Variants in DNAH14 observed in about 807,000 individuals in gnomAD.
DNAH14 encodes the protein axonemal beta dynein heavy chain 14.
A neutral mutation model predicts 520.9 loss-of-function variants in DNAH14; 478 were observed. The ratio of observed to expected loss-of-function variants is 0.92; its 90% CI spans 0.85 to 0.99. The LOEUF (loss-of-function observed/expected upper bound fraction) is 0.99. Ranked by LOEUF, DNAH14 falls within the 50% of genes least tolerant of loss-of-function variation. The probability of loss-of-function intolerance (pLI) is 0.00; values close to 1 mark genes in which losing one functional copy is unlikely to be tolerated. For missense variants in DNAH14, 4,831 were observed against 5,234.5 expected (o/e 0.92, Z 2.38); for synonymous variants, 1,581 against 1,757.2 (o/e 0.90, Z 2.51).
chr1:225,148,923 T>C (rs1250604291), intron 31 of DNAH14, among the ~76,000 whole-genome samples: 5 of 152,206 alleles, frequency 3.3e-5, no homozygotes, highest in African/African-American at 9.6e-5. Flanking sequence ...TAGTTTCTTT[T>C]GCTTTGCAGA....
intron 84 of DNAH14, chr1:225,398,046 CAA>C (rs11458055): frequency 9.0e-5 from 6 of 66,828 alleles, no homozygotes; most frequent in Non-Finnish European, 1.3e-4. Context: ...GACCCCATGT[CAA>C]AAAAAAAAAA....
chr1:225,041,041 A>T (rs1182861732), intron 12 of DNAH14, among the ~76,000 whole-genome samples: 2 of 152,224 alleles, frequency 1.3e-5, no homozygotes, highest in Admixed American at 6.5e-5. Flanking sequence ...ATATATGTAT[A>T]TATACATGTG....
rs116357112 is a variant in DNAH14, at chr1:224,939,846, T to C, written c.-34+10011T>C. Among the ~76,000 whole-genome samples the C allele has an allele frequency of 4.2e-3, 641 of 152,334 alleles. 4 individuals are homozygous for C. Among genetic ancestry groups the C allele is most frequent in the African/African-American group, 0.015 (610 of 41,584 alleles). On this transcript the variant is annotated intron_variant, in intron 1 of 85. Coordinates refer to ENST00000682510, the MANE Select transcript of DNAH14 (RefSeq NM_001367479.1). Reference sequence around the variant, plus strand: ...ACCTACATCTCTTGCTGAATTGTAATTCCTAGTGTTGGAGGAGGGTCCTGG... The same window carrying C: ...ACCTACATCTCTTGCTGAATTGTAACTCCTAGTGTTGGAGGAGGGTCCTGG...
intron 17 of DNAH14, among the ~76,000 whole-genome samples, chr1:225,061,443 C>T (rs893460876): frequency 6.6e-6 from 1 of 152,166 alleles, no homozygotes; most frequent in African/African-American, 2.4e-5. Flanking sequence ...AAAGGAATTC[C>T]CTGACCCCTT....
At chr1:225,171,019 A>C (rs2082581311) in intron 36 of DNAH14, among the ~76,000 whole-genome samples, 1 of 152,226 alleles carries the variant, frequency 6.6e-6, no homozygotes. Context: ...CTGAATGACT[A>C]CTGGGTACAT....
At chr1:225,036,426 C>T (rs190501481) in intron 11 of DNAH14, among the ~76,000 whole-genome samples, 3 of 152,108 alleles carry the variant, frequency 2.0e-5, no homozygotes, top group East Asian at 1.9e-4. Context: ...TAAGCCACCA[C>T]GCCCTGCCCA....
At chr1:225,056,612 A>G (rs571287781) in intron 17 of DNAH14, among the ~76,000 whole-genome samples, 2 of 152,262 alleles carry the variant, frequency 1.3e-5, no homozygotes, top group African/African-American at 2.4e-5. Context: ...GCCCATGCCT[A>G]TGTCCTGAAT....
chr1:224,960,325 T>A, intron 4 of DNAH14, 23 bp downstream of exon 4: 1 of 1,520,538 alleles, frequency 6.6e-7, no homozygotes, highest in Non-Finnish European at 8.8e-7. Flanking sequence ...ACTGAACCAA[T>A]TGCTTAGAAA....
intron 59 of DNAH14, 65 bp from the exon 60 acceptor site, chr1:225,308,220 G>C (rs1369550890): frequency 1.4e-6 from 2 of 1,438,316 alleles, no homozygotes; most frequent in Admixed American, 2.9e-5. Flanking sequence ...TATTTGAATT[G>C]CTCTTTTAGA....
chr1:224,971,147 A>G (rs1027645939), intron 7 of DNAH14, among the ~76,000 whole-genome samples: 2 of 152,190 alleles, frequency 1.3e-5, no homozygotes, highest in African/African-American at 4.8e-5. Flanking sequence ...ATCACATCAC[A>G]TTAGGATTCT....
intron 8 of DNAH14, among the ~76,000 whole-genome samples, chr1:224,995,334 G>GC (rs1553367044): frequency 6.6e-6 from 1 of 150,848 alleles, no homozygotes; most frequent in Middle Eastern, 3.2e-3. Context: ...TGCAGGGGTT[G>GC]TTTTTTTTTC....
chr1:224,977,800 T>C (rs1204889442), intron 8 of DNAH14, among the ~76,000 whole-genome samples: 2 of 152,058 alleles, frequency 1.3e-5, no homozygotes, highest in Non-Finnish European at 2.9e-5. Context: ...ATGCAGAATA[T>C]AAAGGGGACT....
In DNAH14 at chr1:225,337,356, C is replaced by A. The variant is rs1352802089; in HGVS notation, c.10171C>A (p.Leu3391Met). Residue 3391 changes from leucine (L) to methionine (M), a missense_variant, in exon 67 of 86, where the codon CTG becomes ATG. Leu to Met is a conservative substitution (Grantham distance 15). Transcript: ENST00000682510. ...CAAGAATGGCCAGCAGTGGCCACTG[C>A]TGATTGACCCACATAGGCAAGCTCA... is the stretch of plus-strand genomic sequence containing the variant. ...LIKNGQQWPL[L>M]IDPHRQAHKW... 1.6e-5 allele frequency: 25 copies of A among 1,551,648 alleles called. No individual in the cohort carries two copies. The highest frequency in any genetic ancestry group is 2.2e-5 in the Non-Finnish European group (25 of 1,146,972).
chr1:225,264,312 A>G (rs2093038829), intron 47 of DNAH14, 51 bp downstream of exon 47: 2 of 1,320,536 alleles, frequency 1.5e-6, no homozygotes, highest in Non-Finnish European at 2.1e-6. Context: ...AAAACTTCAC[A>G]ACCATGTGTA....
intron 54 of DNAH14, among the ~76,000 whole-genome samples, chr1:225,285,080 G>A (rs554755790): frequency 1.7e-4 from 26 of 152,262 alleles, no homozygotes; most frequent in African/African-American, 6.3e-4. Flanking sequence ...AAGCAAGAAT[G>A]TTTTGCCTTA....
chr1:225,390,940 G>A (rs1350131388), intron 83 of DNAH14, among the ~76,000 whole-genome samples: 1 of 152,066 alleles, frequency 6.6e-6, no homozygotes, highest in African/African-American at 2.4e-5. Flanking sequence ...TGATTCTGGG[G>A]GTGGGGGGAA....
At chr1:225,125,341 A>G (rs2077633025) in intron 27 of DNAH14, among the ~76,000 whole-genome samples, 1 of 152,206 alleles carries the variant, frequency 6.6e-6, no homozygotes, top group Non-Finnish European at 1.5e-5. Context: ...TCTTCTTCCA[A>G]TAGAAGGCTA....
At chr1:225,178,083 G>T (rs1456557690) in intron 36 of DNAH14, among the ~76,000 whole-genome samples, 1 of 152,176 alleles carries the variant, frequency 6.6e-6, no homozygotes, top group South Asian at 2.1e-4. Flanking sequence ...TGATCTGGAT[G>T]TGAGACATGA....
intron 41 of DNAH14, among the ~76,000 whole-genome samples, chr1:225,226,434 C>T (rs557494937): frequency 8.4e-4 from 128 of 152,316 alleles, no homozygotes; most frequent in African/African-American, 2.9e-3. Flanking sequence ...AGCCTCAAAC[C>T]AGGCAACACT....
Sources: allele counts gnomAD v4.1 joint callset (sites outside exome capture counted in the v4.1 genomes callset), GRCh38; gene constraint gnomAD v4.1.1; transcripts MANE v1.5; gene names NCBI Gene and HGNC (gene_info 2026-07-23, HGNC 2026-07-21).